Variants in CACNG4 observed in about 807,000 individuals in gnomAD.
CACNG4 encodes voltage-dependent calcium channel gamma-4 subunit.
A neutral mutation model predicts 22.9 loss-of-function variants in CACNG4; 8 were observed. That is an observed-to-expected ratio of 0.35 (90% CI 0.21 to 0.63). The LOEUF (loss-of-function observed/expected upper bound fraction) is 0.63, where lower values mean the gene tolerates loss of function less well. Ranked by LOEUF, CACNG4 falls within the 30% of genes least tolerant of loss-of-function variation. CACNG4 has a pLI of 0.72. For synonymous variants in CACNG4, 188 were observed against 191.9 expected (o/e 0.98, Z 0.17); for missense variants, 357 against 455.4 (o/e 0.78, Z 1.97).
chr17:66,976,235 A>G (rs1319482847), intron 1 of CACNG4, among the ~76,000 whole-genome samples: 11 of 152,126 alleles, frequency 7.2e-5, no homozygotes, highest in African/African-American at 2.7e-4. Flanking sequence ...CACCATCTGG[A>G]CAGTCTTTGG....
intron 3 of CACNG4, 23 bp downstream of exon 3, chr17:67,025,023 T>A: frequency 6.4e-7 from 1 of 1,564,934 alleles, no homozygotes; most frequent in Non-Finnish European, 8.6e-7. Flanking sequence ...CCCGGGCTGG[T>A]GCTGGGCCGG....
At chr17:67,021,215 AG>A (rs2035529848) in intron 2 of CACNG4, among the ~76,000 whole-genome samples, 1 of 150,926 alleles carries the variant, frequency 6.6e-6, no homozygotes, top group African/African-American at 2.4e-5. Flanking sequence ...AAAAAAAAAA[AG>A]TTATTGTGGG....
In CACNG4 at chr17:66,998,789, A is replaced by G. The variant is rs556715288; in HGVS notation, c.221-19400A>G. Among the ~76,000 whole-genome samples the G allele has an allele frequency of 1.6e-4, 24 of 151,842 alleles. No individual in the cohort carries two copies. In the South Asian group the frequency reaches 4.6e-3, roughly 29 times the overall value. On this transcript the variant is annotated intron_variant, in intron 1 of 3. Transcript: ENST00000262138. ...AACAATCTGCATGCCCTGCTTCCTC[A>G]CCCCCACCCTGCCTTCTCACATGAG...
chr17:66,981,999 T>C (rs1479730288), intron 1 of CACNG4, among the ~76,000 whole-genome samples: 1 of 152,136 alleles, frequency 6.6e-6, no homozygotes, highest in Non-Finnish European at 1.5e-5. Flanking sequence ...AGTGGTGGGA[T>C]CATAGTGTGT....
chr17:66,974,154 G>A (rs963989281), intron 1 of CACNG4, among the ~76,000 whole-genome samples: 3 of 152,174 alleles, frequency 2.0e-5, no homozygotes, highest in Admixed American at 6.5e-5. Context: ...TGATGGCTGC[G>A]TCCAGCTAGT....
intron 1 of CACNG4, among the ~76,000 whole-genome samples, chr17:66,999,444 C>A (rs1198023085): frequency 2.0e-5 from 3 of 152,092 alleles, no homozygotes; most frequent in African/African-American, 4.8e-5. Context: ...TGAGACTGGG[C>A]AATTTATAAG....
At chr17:66,985,804 G>A (rs1410812065) in intron 1 of CACNG4, among the ~76,000 whole-genome samples, 2 of 152,170 alleles carry the variant, frequency 1.3e-5, no homozygotes, top group African/African-American at 2.4e-5. Context: ...AATGCGTTAA[G>A]TGCACGTCCA....
intron 3 of CACNG4, 82 bp downstream of exon 3, chr17:67,025,082 C>T (rs918042495): frequency 1.5e-6 from 2 of 1,346,020 alleles, no homozygotes; most frequent in East Asian, 5.2e-5. Flanking sequence ...CACTGCCAGG[C>T]AGTGTGCATC....
At chr17:67,014,073 C>T (rs1305181683) in intron 1 of CACNG4, among the ~76,000 whole-genome samples, 2 of 152,162 alleles carry the variant, frequency 1.3e-5, no homozygotes, top group Non-Finnish European at 2.9e-5. Flanking sequence ...TCTCCTGGCC[C>T]TCAGGAAGGT....
intron 1 of CACNG4, among the ~76,000 whole-genome samples, chr17:66,968,491 TCCTCCTCTC>T (rs1300180795): frequency 5.8e-5 from 3 of 51,648 alleles, no homozygotes; most frequent in Admixed American, 3.1e-4. Flanking sequence ...TTCCCTCCCC[TCCTCCTCTC>T]CCTCCTCTCC....
chr17:67,024,803 CGG>C, intron 2 of CACNG4, 55 bp from the exon 3 acceptor site: 1 of 1,434,640 alleles, frequency 7.0e-7, no homozygotes, highest in Non-Finnish European at 9.2e-7. Context: ...CAGCCATGCC[CGG>C]GAGGGCACCT....
chr17:67,007,858 T>A (rs2035446472), intron 1 of CACNG4, among the ~76,000 whole-genome samples: 1 of 152,178 alleles, frequency 6.6e-6, no homozygotes, highest in Admixed American at 6.5e-5. Context: ...ACAGAGTGAT[T>A]CAGGGACCCA....
In CACNG4 at chr17:66,964,796, CGCCCCCCGGCCCTCG is replaced by C. The variant is rs1428706666; in HGVS notation, c.-108_-94del. The C allele has an allele frequency of 1.9e-5, 6 of 316,462 alleles. No homozygotes were observed. The highest frequency in any genetic ancestry group is 2.7e-5 in the Non-Finnish European group (6 of 222,604). 19.6% of individuals were successfully genotyped at this position (316,462 alleles called of 1,614,324 possible). A position where few individuals can be genotyped will look rare whatever the true frequency, so the allele number is the denominator to read the frequency against. On this transcript the variant is annotated 5_prime_UTR_variant, in exon 1 of 4. Coordinates refer to ENST00000262138, the MANE Select transcript of CACNG4 (RefSeq NM_014405.4). ...GGGGTCGGAGCGCGCAGCGCGGCGC[CGCCCCCCGGCCCTCG>C]GCCCCCCAACCCCGGCGCCCCCGGA...
At position 67,025,009 on chromosome 17, in the gene CACNG4, C is replaced by A; in HGVS notation, c.445+9C>A. On this transcript the variant is annotated intron_variant, in intron 3 of 3. Transcript: ENST00000262138. ...CCTCTTCGTGGCTGCAGGTGAGCCGCCCGCCCGGGCTGGTGCTGGGCCGGG... is the reference window on the plus strand; with the variant it reads ...CCTCTTCGTGGCTGCAGGTGAGCCGACCGCCCGGGCTGGTGCTGGGCCGGG... 6.3e-7 allele frequency: 1 copy of A among 1,579,526 alleles called. No individual in the cohort carries two copies. The highest frequency in any genetic ancestry group is 8.6e-7 in the Non-Finnish European group (1 of 1,166,300).
intron 2 of CACNG4, among the ~76,000 whole-genome samples, chr17:67,020,799 C>A (rs181413063): frequency 1.1e-4 from 17 of 152,338 alleles, no homozygotes; most frequent in South Asian, 2.1e-4. Context: ...CTTCTGGTCC[C>A]TGTCCAGACT....
chr17:67,026,222 T>G (rs2035565164), intron 3 of CACNG4, among the ~76,000 whole-genome samples: 1 of 150,692 alleles, frequency 6.6e-6, no homozygotes, highest in Non-Finnish European at 1.5e-5. Context: ...TGTTTGTGTG[T>G]GTGAAGAGTG....
chr17:66,965,507 G>A (rs1403505931), intron 1 of CACNG4, among the ~76,000 whole-genome samples: 8 of 151,428 alleles, frequency 5.3e-5, no homozygotes. Flanking sequence ...GCACCCCCGG[G>A]GGAGGTGGAG....
rs868557268 is a variant in CACNG4, at chr17:66,964,734, C to T, written c.-178C>T. 6.9e-6 allele frequency among the ~76,000 whole-genome samples: 1 copy of T among 145,582 alleles called. No homozygotes were observed. The highest frequency in any genetic ancestry group is 1.5e-5 in the Non-Finnish European group (1 of 65,648). On this transcript the variant is annotated 5_prime_UTR_variant, in exon 1 of 4. Coordinates refer to ENST00000262138, the MANE Select transcript of CACNG4 (RefSeq NM_014405.4). Reference sequence around the variant, plus strand: ...TCGTCGCCGCGCCTCGGAGTTTGAGCCCCAGCGCTGCCGGAGCGCAGGCAC... The same window carrying T: ...TCGTCGCCGCGCCTCGGAGTTTGAGTCCCAGCGCTGCCGGAGCGCAGGCAC...
At chr17:67,006,159 A>C (rs1598116169) in intron 1 of CACNG4, among the ~76,000 whole-genome samples, 1 of 152,160 alleles carries the variant, frequency 6.6e-6, no homozygotes, top group Non-Finnish European at 1.5e-5. Context: ...GTGGGTGAGC[A>C]GGGGCTGCCG....
Sources: gnomAD v4.1 joint callset for allele counts (sites outside exome capture counted in the v4.1 genomes callset) on GRCh38, gnomAD v4.1.1 for gene constraint, MANE v1.5 for transcripts, NCBI Gene and HGNC (gene_info 2026-07-23, HGNC 2026-07-21) for gene names.